Variants in VSIG10L2 observed in about 807,000 individuals in gnomAD.
VSIG10L2 encodes V-set and immunoglobulin domain containing 10 like 2.
A neutral mutation model predicts 67.1 loss-of-function variants in VSIG10L2; 56 were observed. The ratio of observed to expected loss-of-function variants is 0.83; its 90% CI spans 0.67 to 1.04. The LOEUF is 1.04. Among genes scored for constraint, VSIG10L2 ranks in the 50% least tolerant of loss-of-function variants. The pLI is 0.00. For missense variants in VSIG10L2, 843 were observed against 932.8 expected (o/e 0.90, Z 1.25); for synonymous variants, 360 against 396.6 (o/e 0.91, Z 1.10).
In VSIG10L2 at chr11:125,950,086, G is replaced by A; in HGVS notation, c.782G>A (p.Arg261Lys). Residue 261 changes from arginine to lysine, a missense_variant, in exon 4 of 12, where the codon AGG becomes AAG. By Grantham distance (26) the Arg-to-Lys change is conservative. Coordinates refer to ENST00000686984, the MANE Select transcript of VSIG10L2 (RefSeq NM_001365077.2). Reference protein sequence around the residue: ...LTEEGFWASEREEVTLSCLAA... With the variant: ...LTEEGFWASEKEEVTLSCLAA... ...GAGGAGGGCTTCTGGGCCAGTGAGA[G>A]GGAAGAGGTGACCCTGAGCTGTCTG... 5.7e-6 allele frequency: 7 copies of A among 1,232,420 alleles called. No individual in the cohort carries two copies. Among genetic ancestry groups the A allele is most frequent in the Non-Finnish European group, 7.1e-6 (7 of 988,216 alleles). 76.3% of individuals were successfully genotyped at this position (1,232,420 alleles called of 1,614,324 possible). A position where few individuals can be genotyped will look rare whatever the true frequency, so the allele number is the denominator to read the frequency against.
Position 125,955,517 on chromosome 11 carries a change from A to C in VSIG10L2, c.2231+11A>C, listed in dbSNP as rs73019364. ...ATTGCTTGTTCCCACGTGAGTGTGG[A>C]ACCCCAGTCATCCTGGGGGCCAGGG... On this transcript the variant is annotated intron_variant, in intron 10 of 11. Coordinates refer to ENST00000686984, the MANE Select transcript of VSIG10L2 (RefSeq NM_001365077.2). 310,654 of 1,057,178 alleles carry C rather than the reference A, an allele frequency of 0.29. 47,181 individuals carry two copies. Among genetic ancestry groups the C allele is most frequent in the Non-Finnish European group, 0.31 (228,680 of 727,426 alleles). 65.5% of individuals were successfully genotyped at this position (1,057,178 alleles called of 1,614,324 possible).
In VSIG10L2 at chr11:125,955,901, C is replaced by T; in HGVS notation, c.2369C>T (p.Thr790Ile). The T allele has an allele frequency of 1.5e-6, 1 of 672,326 alleles. No homozygotes were observed. Among genetic ancestry groups the T allele is most frequent in the Non-Finnish European group, 2.7e-6 (1 of 372,860 alleles). 41.6% of individuals were successfully genotyped at this position (672,326 alleles called of 1,614,324 possible). A position where few individuals can be genotyped will look rare whatever the true frequency, so the allele number is the denominator to read the frequency against. The stretch of plus-strand genomic sequence containing the variant: ...CCAGTGAATGTCACCATCACAGTGA[C>T]TGCAACACCATAAGGCCCAAAGAGG... Reference protein sequence around the residue: ...DSPVNVTITVTATP With the variant: ...DSPVNVTITVIATP The change falls in exon 12 of 12, where the codon ACT becomes ATT. Residue 790 changes from threonine to isoleucine, a missense_variant. Coordinates refer to ENST00000686984, the MANE Select transcript of VSIG10L2 (RefSeq NM_001365077.2).
Position 125,955,062 on chromosome 11 carries a change from C to T in VSIG10L2, c.2089C>T (p.Pro697Ser), listed in dbSNP as rs1014400151. 2 of 1,234,758 alleles carry T rather than the reference C, an allele frequency of 1.6e-6. No homozygotes were observed. The highest frequency in any genetic ancestry group is 3.1e-5 in the African/African-American group (2 of 64,440). 76.5% of individuals were successfully genotyped at this position (1,234,758 alleles called of 1,614,324 possible). The change falls in exon 9 of 12, where the codon CCC becomes TCC. Residue 697 changes from proline (P) to serine (S), a missense_variant. Transcript: ENST00000686984. ...CCTGTGCTCTCCCCTCCTAGCGGAC[C>T]CCCCCTTCAGCGCCTACCCAGCGGT... Reference protein sequence around the residue: ...HPSEVKIPADPPFSAYPAVLG... With the variant: ...HPSEVKIPADSPFSAYPAVLG...
rs1945306225 is a variant in VSIG10L2, at chr11:125,946,646, T to C, written c.82+509T>C. ...TCTGCCTCCTGGGTTCAAGTGATTC[T>C]CCAGCCTCAGCCTACCAAGTAGCTG... On this transcript the variant is annotated intron_variant, in intron 1 of 11. Coordinates refer to ENST00000686984, the MANE Select transcript of VSIG10L2 (RefSeq NM_001365077.2). The surrounding 1 kb of genome is among the most constrained non-coding windows in gnomAD (Gnocchi z 4.4). Among the ~76,000 whole-genome samples the C allele has an allele frequency of 6.6e-6, 1 of 151,808 alleles. No homozygotes were observed. The highest frequency in any genetic ancestry group is 1.5e-5 in the Non-Finnish European group (1 of 67,976).
intron 3 of VSIG10L2, among the ~76,000 whole-genome samples, chr11:125,948,787 C>T (rs1357040409): frequency 6.6e-6 from 1 of 152,240 alleles, no homozygotes; most frequent in Non-Finnish European, 1.5e-5. Context: ...TTATAAAGGT[C>T]AAGGACACCC....
At position 125,956,115 on chromosome 11, in the gene VSIG10L2, C is replaced by T. The variant is rs945474557; in HGVS notation, c.*201C>T. 10 of 678,046 alleles carry T rather than the reference C, an allele frequency of 1.5e-5. No homozygotes were observed. In the African/African-American group the frequency reaches 1.6e-4, roughly 11 times the overall value. 42.0% of individuals were successfully genotyped at this position (678,046 alleles called of 1,614,324 possible). ...TGGTTACAAGAGAAGCCCTGGCCCA[C>T]CTTGTGGAAGACAGAGGTGGCAGGA... On this transcript the variant is annotated 3_prime_UTR_variant, in exon 12 of 12. Transcript: ENST00000686984.
intron 1 of VSIG10L2, among the ~76,000 whole-genome samples, chr11:125,947,061 G>C (rs904881745): frequency 1.1e-4 from 17 of 152,154 alleles, no homozygotes; most frequent in Admixed American, 1.1e-3. Context: ...GAGCAGGGGT[G>C]GGGGGCTCAT....
chr11:125,949,394 C>T (rs1348076371), intron 3 of VSIG10L2, among the ~76,000 whole-genome samples: 5 of 152,140 alleles, frequency 3.3e-5, no homozygotes, highest in East Asian at 1.9e-4. Flanking sequence ...GGACGAATGG[C>T]GTCCTATTTA....
intron 6 of VSIG10L2, 54 bp downstream of exon 6, chr11:125,952,127 T>A: frequency 6.7e-7 from 1 of 1,490,734 alleles, no homozygotes; most frequent in Non-Finnish European, 8.9e-7. Context: ...GAGGAACCCT[T>A]TGGAATCAGG....
Position 125,950,290 on chromosome 11 carries a change from G to C in VSIG10L2, c.985+1G>C, listed in dbSNP as rs1945350846. 4.1e-6 allele frequency: 5 copies of C among 1,232,352 alleles called. No homozygotes were observed. The highest frequency in any genetic ancestry group is 3.1e-4 in the Middle Eastern group (1 of 3,212). 76.3% of individuals were successfully genotyped at this position (1,232,352 alleles called of 1,614,324 possible). On this transcript the variant is annotated splice_donor_variant, in intron 4 of 11. Coordinates refer to ENST00000686984, the MANE Select transcript of VSIG10L2 (RefSeq NM_001365077.2). LOFTEE classifies it high-confidence loss of function. ...ACTACTGTCCAGCTCACCATCTACT[G>C]TGAGTGTGGGGGTCGGGTGACGCCC...
At chr11:125,954,788 A>G (rs1281200103) in intron 8 of VSIG10L2, among the ~76,000 whole-genome samples, 1 of 152,160 alleles carries the variant, frequency 6.6e-6, no homozygotes, top group Non-Finnish European at 1.5e-5. Flanking sequence ...TTCAGCCCCA[A>G]GCCGCCAAGA....
At position 125,954,155 on chromosome 11, in the gene VSIG10L2, C is replaced by T; in HGVS notation, c.1855C>T (p.Leu619Phe). 2.4e-6 allele frequency: 3 copies of T among 1,232,220 alleles called. No individual in the cohort carries two copies. The highest frequency in any genetic ancestry group is 3.0e-6 in the Non-Finnish European group (3 of 988,050). 76.3% of individuals were successfully genotyped at this position (1,232,220 alleles called of 1,614,324 possible). A position where few individuals can be genotyped will look rare whatever the true frequency, so the allele number is the denominator to read the frequency against. The stretch of plus-strand genomic sequence containing the variant: ...CGGGAGGCACCGGAGAGAGGTGCAG[C>T]TTCAATGGGCCATCTTAGGACCCGG... ...TYGRHRREVQ[L>F]QWAILGPGNL... Residue 619 changes from leucine to phenylalanine, a missense_variant, in exon 8 of 12, where the codon CTT (leucine) becomes TTT (phenylalanine). Physicochemically the swap from Leu to Phe is conservative, Grantham distance 22. Coordinates refer to ENST00000686984, the MANE Select transcript of VSIG10L2 (RefSeq NM_001365077.2).
chr11:125,955,651 T>C lies in VSIG10L2; in HGVS notation c.2268T>C (p.Asp756=). 1 of 1,532,518 alleles carries C rather than the reference T, an allele frequency of 6.5e-7. No homozygotes were observed. Among genetic ancestry groups the C allele is most frequent in the Non-Finnish European group, 8.7e-7 (1 of 1,145,212 alleles). The allele number at this position is 1,532,518 out of a possible 1,614,324, so 94.9% of individuals were successfully genotyped here. A position where few individuals can be genotyped will look rare whatever the true frequency, so the allele number is the denominator to read the frequency against. The change falls in exon 11 of 12, where the codon GAT becomes GAC. Residue 756 remains aspartate, a synonymous_variant. Transcript: ENST00000686984. ...ACCAACAGAGGGGTTCCAGAGAAGA[T>C]GCTGAGGCACCGGCAGGTAAGCACC... is the stretch of plus-strand genomic sequence containing the variant. The part of the protein sequence containing the change: ...QRHQQRGSRE[D]AEAPAGLETP...
intron 6 of VSIG10L2, among the ~76,000 whole-genome samples, chr11:125,953,043 C>G (rs376853626): frequency 6.6e-5 from 10 of 152,156 alleles, no homozygotes; most frequent in East Asian, 5.8e-4. Context: ...ATGCCTGGAG[C>G]CAGCCGGGAG....
At position 125,947,943 on chromosome 11, in the gene VSIG10L2, G is replaced by C. The variant is rs562603550; in HGVS notation, c.340G>C (p.Glu114Gln). The C allele has an allele frequency of 8.1e-7, 1 of 1,232,342 alleles. No individual in the cohort carries two copies. The highest frequency in any genetic ancestry group is 4.1e-5 in the South Asian group (1 of 24,322). The allele number at this position is 1,232,342 out of a possible 1,614,324, so 76.3% of individuals were successfully genotyped here. Residue 114 changes from glutamate to glutamine, a missense_variant, in exon 2 of 12, where the codon GAG (glutamate) becomes CAG (glutamine). Transcript: ENST00000686984. ...CAGCCTGGTGCTGGGGGAGCTTCAC[G>C]AGGGTGCCCGTGGCCACTTCCTATG... ...NSSLVLGELH[E>Q]GARGHFLCQV...
intron 10 of VSIG10L2, 30 bp from the exon 11 acceptor site, chr11:125,955,585 A>G: frequency 6.6e-7 from 1 of 1,519,606 alleles, no homozygotes; most frequent in Non-Finnish European, 8.8e-7. Flanking sequence ...GTGAGTTGCC[A>G]CTAACTTTAC....
intron 1 of VSIG10L2, 38 bp from the exon 2 acceptor site, chr11:125,947,648 G>A (rs1945314963): frequency 8.1e-7 from 1 of 1,232,184 alleles, no homozygotes; most frequent in Non-Finnish European, 1.0e-6. Flanking sequence ...AGAGCCCAGA[G>A]CAGCCCAGAA....
At position 125,950,038 on chromosome 11, in the gene VSIG10L2, C is replaced by T; in HGVS notation, c.734C>T (p.Thr245Ile). Residue 245 changes from threonine (T) to isoleucine (I), a missense_variant, in exon 4 of 12, where the codon ACC becomes ATC. Physicochemically the swap from Thr to Ile is moderately conservative, Grantham distance 89. Transcript: ENST00000686984. ...VIYGPDKPVI[T>I]MEPLGLTEEG... ...GATGGTCCTGACAAGCCTGTGATCA[C>T]CATGGAGCCGCTGGGACTCACTGAG... 8.1e-7 allele frequency: 1 copy of T among 1,232,372 alleles called. No homozygotes were observed. The highest frequency in any genetic ancestry group is 1.0e-6 in the Non-Finnish European group (1 of 988,128). 76.3% of individuals were successfully genotyped at this position (1,232,372 alleles called of 1,614,324 possible). A position where few individuals can be genotyped will look rare whatever the true frequency, so the allele number is the denominator to read the frequency against.
Position 125,950,967 on chromosome 11 carries a change from T to A in VSIG10L2, c.1043T>A (p.Leu348Gln). The A allele has an allele frequency of 8.1e-7, 1 of 1,232,394 alleles. No individual in the cohort carries two copies. 76.3% of individuals were successfully genotyped at this position (1,232,394 alleles called of 1,614,324 possible). The change falls in exon 5 of 12, where the codon CTG (leucine) becomes CAG (glutamine). Residue 348 changes from leucine (L) to glutamine (Q), a missense_variant. Physicochemically the swap from Leu to Gln is moderately radical, Grantham distance 113. Coordinates refer to ENST00000686984, the MANE Select transcript of VSIG10L2 (RefSeq NM_001365077.2). ...CATCCCAGCCCTGAGGCTGTGACCC[T>A]GCTCTGTGCCTGGCCTGGGGGGCTT... is the stretch of plus-strand genomic sequence containing the variant. ...AVHPSPEAVT[L>Q]LCAWPGGLPP...
Sources: gnomAD v4.1 joint callset for allele counts (sites outside exome capture counted in the v4.1 genomes callset) on GRCh38, gnomAD v4.1.1 for gene constraint, Gnocchi (gnomAD v3.1) non-coding constraint, MANE v1.5 for transcripts, NCBI Gene and HGNC (gene_info 2026-07-23, HGNC 2026-07-21) for gene names.